FOCAD: variants seen among roughly 807,000 people sequenced by gnomAD.
FOCAD encodes the protein KIAA1797.
In FOCAD, 198 loss-of-function variants were observed where a neutral mutation model predicts 225.6. The ratio of observed to expected loss-of-function variants is 0.88; its 90% CI spans 0.78 to 0.99. The LOEUF (loss-of-function observed/expected upper bound fraction) is 0.99, where lower values mean the gene tolerates loss of function less well. Ranked by LOEUF, FOCAD falls within the 50% of genes least tolerant of loss-of-function variation. The pLI is 0.00. For missense variants in FOCAD, 2,713 were observed against 2,123.6 expected (o/e 1.28, Z -5.46); for synonymous variants, 897 against 755.0 (o/e 1.19, Z -3.08).
chr9:20,886,158 C>T (rs903637464), intron 21 of FOCAD, among the ~76,000 whole-genome samples: 13 of 152,258 alleles, frequency 8.5e-5, no homozygotes, highest in African/African-American at 2.9e-4. Flanking sequence ...CTTTGCCATC[C>T]ATTTTCCTTT....
chr9:20,946,839 A>G lies in FOCAD; in HGVS notation c.3675+19A>G, dbSNP rs1403289235. The G allele has an allele frequency of 6.2e-7, 1 of 1,612,040 alleles. No individual in the cohort carries two copies. Among genetic ancestry groups the G allele is most frequent in the East Asian group, 2.2e-5 (1 of 44,804 alleles). ...CCAGCAGGTTGGAACGTGTGCCCTG[A>G]TTATTTCTCTCTGTGGGTCTCATGC... On this transcript the variant is annotated intron_variant, in intron 30 of 43. Coordinates refer to ENST00000338382, the MANE Select transcript of FOCAD (RefSeq NM_001375567.1).
chr9:20,862,818 G>A, intron 16 of FOCAD, 106 bp downstream of exon 16: 3 of 1,284,878 alleles, frequency 2.3e-6, no homozygotes, highest in Admixed American at 2.3e-5. Flanking sequence ...TGTTGTTGTT[G>A]TTCTGAGACC....
intron 2 of FOCAD, among the ~76,000 whole-genome samples, chr9:20,677,523 C>A (rs1257941362): frequency 6.6e-6 from 1 of 151,912 alleles, no homozygotes; most frequent in Non-Finnish European, 1.5e-5. Context: ...GCAAAAAAAC[C>A]AAATAACCTT....
rs372594623 is a variant in FOCAD at position 20,950,998 on chromosome 9, C to G, written c.3951C>G (p.Val1317=). 3 of 1,611,740 alleles carry G rather than the reference C, an allele frequency of 1.9e-6. No individual in the cohort carries two copies. The African/African-American group carries it at 4.0e-5, about 22-fold the overall frequency. ...AACTGTTACCTTTTTATTTGTAGGT[C>G]ATTAGTGTCTCTGGGGTGATTGGTC... ...LNEVIRTLTQ[V]ISVSGVIGLQ... is the part of the protein sequence containing the mutation. Residue 1317 remains valine, a splice_region_variant and synonymous_variant, in exon 34 of 44, where the codon GTC becomes GTG. Coordinates refer to ENST00000338382, the MANE Select transcript of FOCAD (RefSeq NM_001375567.1).
intron 31 of FOCAD, 145 bp from the exon 32 acceptor site, chr9:20,948,706 T>G (rs1370747769): frequency 8.8e-6 from 7 of 792,430 alleles, no homozygotes; most frequent in Non-Finnish European, 1.4e-5. Context: ...TCTGCTGCCA[T>G]TTTTGGTTCA....
intron 5 of FOCAD, among the ~76,000 whole-genome samples, chr9:20,749,723 T>C (rs1476026520): frequency 6.6e-6 from 1 of 152,212 alleles, no homozygotes. Context: ...GCAATCTGTG[T>C]CTGTCGCTGA....
At chr9:20,962,314 G>A (rs1838813512) in intron 35 of FOCAD, among the ~76,000 whole-genome samples, 1 of 151,954 alleles carries the variant, frequency 6.6e-6, no homozygotes, top group African/African-American at 2.4e-5. Flanking sequence ...GAATAGCTGT[G>A]TTTTATCGTA....
intron 21 of FOCAD, among the ~76,000 whole-genome samples, chr9:20,900,973 A>G (rs1251090992): frequency 6.6e-6 from 1 of 151,842 alleles, no homozygotes; most frequent in Non-Finnish European, 1.5e-5. Context: ...CTAGGAAGAG[A>G]TGAGTGTCAT....
chr9:20,920,625 A>G, intron 24 of FOCAD, among the ~76,000 whole-genome samples: 1 of 148,554 alleles, frequency 6.7e-6, no homozygotes, highest in African/African-American at 2.5e-5. Context: ...ATGGAATACT[A>G]TGCAGCCATA....
At chr9:20,667,737 G>T (rs1413429787) in intron 2 of FOCAD, among the ~76,000 whole-genome samples, 1 of 152,168 alleles carries the variant, frequency 6.6e-6, no homozygotes, top group East Asian at 1.9e-4. Flanking sequence ...TGGTCAGTCT[G>T]TGGTGAGATT....
Position 20,789,612 on chromosome 9 carries a change from A to C in FOCAD, c.1455+4A>C. ...AGCCCAAGCAGATTCCTCCCAGGTA[A>C]AGCAAGAGAATAATGGAACAATAAT... On this transcript the variant is annotated splice_donor_region_variant and intron_variant, in intron 11 of 43. Coordinates refer to ENST00000338382, the MANE Select transcript of FOCAD (RefSeq NM_001375567.1). The C allele has an allele frequency of 6.2e-7, 1 of 1,613,662 alleles. No individual in the cohort carries two copies. Among genetic ancestry groups the C allele is most frequent in the South Asian group, 1.1e-5 (1 of 91,066 alleles).
At chr9:20,755,063 G>A (rs1828927892) in intron 5 of FOCAD, among the ~76,000 whole-genome samples, 1 of 152,188 alleles carries the variant, frequency 6.6e-6, no homozygotes, top group East Asian at 1.9e-4. Flanking sequence ...GAAATGGTAT[G>A]TTAGTAATCA....
intron 28 of FOCAD, among the ~76,000 whole-genome samples, chr9:20,938,756 T>G (rs1366667069): frequency 6.6e-6 from 1 of 151,956 alleles, no homozygotes; most frequent in East Asian, 1.9e-4. Context: ...GTAGATATAT[T>G]AAAAAAAGAT....
intron 11 of FOCAD, among the ~76,000 whole-genome samples, chr9:20,806,400 A>G (rs1822459538): frequency 6.6e-6 from 1 of 152,180 alleles, no homozygotes; most frequent in African/African-American, 2.4e-5. Context: ...ATTTCTGAAG[A>G]TGCTAGGAAT....
At chr9:20,823,761 C>G (rs966511312) in intron 15 of FOCAD, among the ~76,000 whole-genome samples, 1 of 151,990 alleles carries the variant, frequency 6.6e-6, no homozygotes, top group East Asian at 1.9e-4. Flanking sequence ...GTGAATGAGA[C>G]TAAGTAGAAT....
At chr9:20,716,206 C>T in intron 2 of FOCAD, 1 of 423,288 alleles carries the variant, frequency 2.4e-6, no homozygotes, top group Non-Finnish European at 5.4e-6. Flanking sequence ...TCCTGCAGGT[C>T]CTTACCATGA....
At chr9:20,934,087 G>T (rs1435050169) in intron 28 of FOCAD, among the ~76,000 whole-genome samples, 1 of 151,956 alleles carries the variant, frequency 6.6e-6, no homozygotes, top group Non-Finnish European at 1.5e-5. Flanking sequence ...GTTTGAGTTT[G>T]TTGTAGATTC....
rs139178896 is a variant in FOCAD, at chr9:20,935,601, A to G, written c.3407+2498A>G. On this transcript the variant is annotated intron_variant, in intron 28 of 43. Transcript: ENST00000338382. Reference sequence around the variant, plus strand: ...TTTTAGTAGAGATGGGGTTTCACCAATTGGTCAGGCTGGTCTCAAACTCCT... The same window carrying G: ...TTTTAGTAGAGATGGGGTTTCACCAGTTGGTCAGGCTGGTCTCAAACTCCT... Among the ~76,000 whole-genome samples, 585 of 152,190 alleles carry G rather than the reference A, an allele frequency of 3.8e-3. 4 individuals are homozygous for G. The highest frequency in any genetic ancestry group is 0.013 in the African/African-American group (551 of 41,544).
At chr9:20,926,980 A>G (rs1242093518) in intron 26 of FOCAD, among the ~76,000 whole-genome samples, 1 of 149,276 alleles carries the variant, frequency 6.7e-6, no homozygotes, top group East Asian at 1.9e-4. Flanking sequence ...TTATATATGT[A>G]CGTACATATG....
Sources: gnomAD v4.1 joint callset for allele counts (sites outside exome capture counted in the v4.1 genomes callset) on GRCh38, gnomAD v4.1.1 for gene constraint, MANE v1.5 for transcripts, NCBI Gene and HGNC (gene_info 2026-07-23, HGNC 2026-07-21) for gene names.